ANKS1B: variants seen among roughly 807,000 people sequenced by gnomAD.
ANKS1B encodes ankyrin repeat and sterile alpha motif domain containing 1B, also known as ankyrin repeat and sterile alpha motif domain-containing protein 1B.
A neutral mutation model predicts 148.3 loss-of-function variants in ANKS1B; 36 were observed. That is an observed-to-expected ratio of 0.24 (90% confidence interval 0.19 to 0.32). ANKS1B has a LOEUF of 0.32. Among genes scored for constraint, ANKS1B ranks in the 10% least tolerant of loss-of-function variants. The pLI is 1.00. For missense variants in ANKS1B, 1,157 were observed against 1,542.6 expected, an observed-to-expected ratio of 0.75 and a Z score of 4.19; for synonymous variants, 542 against 560.8, an observed-to-expected ratio of 0.97 and a Z score of 0.47.
intron 12 of ANKS1B, among the ~76,000 whole-genome samples, chr12:99,325,877 A>G (rs941807652): frequency 6.6e-6 from 1 of 152,042 alleles, no homozygotes; most frequent in African/African-American, 2.4e-5. Context: ...ACTGCCAAAG[A>G]CTGGGTAATT....
chr12:98,775,251 T>C (rs1276439430), intron 24 of ANKS1B, among the ~76,000 whole-genome samples: 1 of 152,168 alleles, frequency 6.6e-6, no homozygotes, highest in African/African-American at 2.4e-5. Flanking sequence ...AAATGAAAAG[T>C]GCTCTGTGAT....
chr12:99,125,463 G>A (rs967273163), intron 15 of ANKS1B, among the ~76,000 whole-genome samples: 1 of 152,152 alleles, frequency 6.6e-6, no homozygotes, highest in African/African-American at 2.4e-5. Context: ...ATTACAGCAT[G>A]CTGAATCTTG....
intron 17 of ANKS1B, among the ~76,000 whole-genome samples, chr12:98,901,477 A>G (rs2099771941): frequency 6.6e-6 from 1 of 152,210 alleles, no homozygotes; most frequent in Non-Finnish European, 1.5e-5. Flanking sequence ...GCCCAAATAA[A>G]TCTTTTCAAC....
intron 17 of ANKS1B, among the ~76,000 whole-genome samples, chr12:98,880,590 C>G (rs1238852457): frequency 1.3e-5 from 2 of 151,932 alleles, no homozygotes; most frequent in Non-Finnish European, 2.9e-5. Flanking sequence ...CATGGTGAAA[C>G]CCCATCTCTA....
chr12:99,673,831 T>A (rs553040472), intron 8 of ANKS1B, among the ~76,000 whole-genome samples: 296 of 151,798 alleles, frequency 1.9e-3, no homozygotes, highest in African/African-American at 6.9e-3. Flanking sequence ...AATATGGTTA[T>A]TAATATGGTC....
At chr12:99,393,779 G>A (rs10777978) in intron 12 of ANKS1B, among the ~76,000 whole-genome samples, 16,970 of 152,054 alleles carry the variant, frequency 0.11, 1,599 homozygotes, top group East Asian at 0.54. Flanking sequence ...GGAATCTCCA[G>A]TCCTAAGATC....
chr12:99,611,599 C>T (rs1301018593), intron 9 of ANKS1B, among the ~76,000 whole-genome samples: 1 of 152,066 alleles, frequency 6.6e-6, no homozygotes, highest in African/African-American at 2.4e-5. Context: ...CAGCCAGCCT[C>T]CCCTGAGACT....
intron 1 of ANKS1B, among the ~76,000 whole-genome samples, chr12:99,859,008 A>T (rs899637835): frequency 1.3e-5 from 2 of 152,200 alleles, no homozygotes; most frequent in African/African-American, 4.8e-5. Flanking sequence ...TAAATAATAA[A>T]AGAAATAGGG....
chr12:99,467,975 C>T (rs1406956150), intron 10 of ANKS1B, among the ~76,000 whole-genome samples: 4 of 151,380 alleles, frequency 2.6e-5, no homozygotes, highest in East Asian at 1.9e-4. Context: ...GAGCCCACAT[C>T]GCCAAGTCAA....
chr12:99,387,217 C>T lies in ANKS1B; in HGVS notation c.1756+12414G>A, dbSNP rs563760069. ...ATAATGTTTGTACCCTCCCAAAATT[C>T]ATATGTTTAAATACTAACTCCCAAG... is the stretch of plus-strand genomic sequence containing the variant. On this transcript the variant is annotated intron_variant, in intron 12 of 26. Coordinates refer to ENST00000683438, the MANE Select transcript of ANKS1B (RefSeq NM_001352186.2). Among the ~76,000 whole-genome samples, 6 of 152,278 alleles carry T rather than the reference C, an allele frequency of 3.9e-5. No individual in the cohort carries two copies. In the East Asian group the frequency reaches 1.2e-3, roughly 29 times the overall value.
chr12:98,862,969 A>G (rs2099606962), intron 17 of ANKS1B, among the ~76,000 whole-genome samples: 1 of 152,220 alleles, frequency 6.6e-6, no homozygotes, highest in Non-Finnish European at 1.5e-5. Flanking sequence ...TAGTCTCTGC[A>G]TGAAAACCAA....
intron 1 of ANKS1B, among the ~76,000 whole-genome samples, chr12:99,833,850 T>C (rs974553745): frequency 6.6e-6 from 1 of 152,148 alleles, no homozygotes; most frequent in African/African-American, 2.4e-5. Context: ...AAAAATTAAT[T>C]ATAATACACA....
intron 8 of ANKS1B, among the ~76,000 whole-genome samples, chr12:99,693,651 T>C (rs2053459248): frequency 6.6e-6 from 1 of 152,210 alleles, no homozygotes; most frequent in Non-Finnish European, 1.5e-5. Context: ...ATAGTCATCA[T>C]ATACATGATG....
intron 8 of ANKS1B, among the ~76,000 whole-genome samples, chr12:99,733,083 A>AT (rs934318176): frequency 1.1e-4 from 16 of 151,118 alleles, no homozygotes; most frequent in Non-Finnish European, 2.1e-4. Context: ...ATAAACTGGG[A>AT]TTTTTTTCAG....
chr12:98,877,236 T>C (rs1341382418), intron 17 of ANKS1B, among the ~76,000 whole-genome samples: 1 of 152,214 alleles, frequency 6.6e-6, no homozygotes, highest in Non-Finnish European at 1.5e-5. Context: ...GCAGTGTCAA[T>C]GGAAATTCTG....
chr12:99,968,252 G>C (rs1203936858), intron 1 of ANKS1B, among the ~76,000 whole-genome samples: 2 of 152,154 alleles, frequency 1.3e-5, no homozygotes, highest in Non-Finnish European at 2.9e-5. Context: ...GCCTGAAAGA[G>C]ATGGATCATA....
intron 9 of ANKS1B, among the ~76,000 whole-genome samples, chr12:99,650,280 TACAC>T (rs768453456): frequency 1.1e-5 from 1 of 89,468 alleles, no homozygotes; most frequent in Non-Finnish European, 2.8e-5. Context: ...AACCCAGGAA[TACAC>T]ACACACAGAC....
At chr12:99,209,694 A>T (rs1183868109) in intron 14 of ANKS1B, among the ~76,000 whole-genome samples, 1 of 152,236 alleles carries the variant, frequency 6.6e-6, no homozygotes, top group Non-Finnish European at 1.5e-5. Context: ...GTGACAGAGC[A>T]GGAGCATCAC....
intron 17 of ANKS1B, among the ~76,000 whole-genome samples, chr12:98,951,634 C>A (rs2099854268): frequency 6.6e-6 from 1 of 152,112 alleles, no homozygotes; most frequent in African/African-American, 2.4e-5. Flanking sequence ...TCCAAGCTAA[C>A]TGTGCTCCTC....
Sources: allele counts gnomAD v4.1 joint callset (sites outside exome capture counted in the v4.1 genomes callset), GRCh38; gene constraint gnomAD v4.1.1; transcripts MANE v1.5; gene names NCBI Gene and HGNC (gene_info 2026-07-23, HGNC 2026-07-21).